Variants in TMPRSS13 observed in about 807,000 individuals in gnomAD.
TMPRSS13 encodes the protein transmembrane protease serine 13.
TMPRSS13 carries 50 observed loss-of-function variants against 68.4 expected under a neutral mutation model. The ratio of observed to expected loss-of-function variants is 0.73; its 90% confidence interval spans 0.58 to 0.93. The LOEUF is 0.93. Among genes scored for constraint, TMPRSS13 ranks in the 40% least tolerant of loss-of-function variants. The pLI is 0.00. For missense variants in TMPRSS13, 615 were observed against 729.2 expected (o/e 0.84, Z 1.80); for synonymous variants, 267 against 285.8 (o/e 0.93, Z 0.66).
intron 1 of TMPRSS13, among the ~76,000 whole-genome samples, chr11:117,925,819 T>C (rs906772038): frequency 6.3e-4 from 96 of 152,368 alleles, no homozygotes; most frequent in Non-Finnish European, 1.1e-3. Flanking sequence ...TTACATCAGT[T>C]GTCCTTCCCA....
intron 1 of TMPRSS13, among the ~76,000 whole-genome samples, chr11:117,926,139 G>A (rs2057704210): frequency 1.4e-5 from 2 of 144,782 alleles, no homozygotes; most frequent in African/African-American, 5.2e-5. Context: ...AGGTGCCAGG[G>A]TCCTTGGAGG....
At chr11:117,907,651 T>C (rs921260821) in intron 9 of TMPRSS13, 15 of 225,068 alleles carry the variant, frequency 6.7e-5, no homozygotes, top group Admixed American at 3.3e-4. Flanking sequence ...GAGCCCCCAT[T>C]ACCTGTCTTC....
intron 1 of TMPRSS13, among the ~76,000 whole-genome samples, chr11:117,925,467 C>A (rs549285956): frequency 9.9e-5 from 15 of 152,014 alleles, no homozygotes; most frequent in Non-Finnish European, 2.1e-4. Flanking sequence ...TATTGCCCAG[C>A]AAATAATGTT....
intron 1 of TMPRSS13, among the ~76,000 whole-genome samples, chr11:117,924,746 G>T (rs913956048): frequency 5.3e-5 from 8 of 152,022 alleles, no homozygotes; most frequent in African/African-American, 1.2e-4. Context: ...GTACCTCCAG[G>T]TTCCCAAGGC....
chr11:117,920,638 G>A (rs7930658), intron 1 of TMPRSS13, among the ~76,000 whole-genome samples: 114,677 of 151,894 alleles, frequency 0.75, 43,379 homozygotes, highest in Middle Eastern at 0.77. Flanking sequence ...ATATGCACCC[G>A]CCACCACACC....
chr11:117,904,114 G>T lies in TMPRSS13; in HGVS notation c.1382-13C>A, dbSNP rs3809040. On this transcript the variant is annotated splice_polypyrimidine_tract_variant and intron_variant, in intron 10 of 12. Coordinates refer to ENST00000524993, the MANE Select transcript of TMPRSS13 (RefSeq NM_001077263.3). ...GGGGATGTCTTGTCTTCAGTGAAGTGGGGTGGAGGAGACAGAGGATGGGAA... is the reference window on the plus strand; with the variant it reads ...GGGGATGTCTTGTCTTCAGTGAAGTTGGGTGGAGGAGACAGAGGATGGGAA... The T allele has an allele frequency of 6.2e-7, 1 of 1,612,584 alleles. No individual in the cohort carries two copies. Among genetic ancestry groups the T allele is most frequent in the Non-Finnish European group, 8.5e-7 (1 of 1,179,176 alleles).
chr11:117,918,296 C>T (rs2057599185), intron 2 of TMPRSS13, 113 bp downstream of exon 2: 3 of 1,299,778 alleles, frequency 2.3e-6, no homozygotes, highest in Non-Finnish European at 2.1e-6. Context: ...CCCTACCTCC[C>T]CTTCCCCGCA....
intron 1 of TMPRSS13, among the ~76,000 whole-genome samples, chr11:117,923,936 G>T (rs949801985): frequency 6.6e-6 from 1 of 151,494 alleles, no homozygotes; most frequent in Non-Finnish European, 1.5e-5. Flanking sequence ...ATCAGGGCCC[G>T]TTTCAGTCCA....
intron 12 of TMPRSS13, among the ~76,000 whole-genome samples, chr11:117,902,512 C>T (rs1196916381): frequency 6.6e-6 from 1 of 152,218 alleles, no homozygotes; most frequent in Non-Finnish European, 1.5e-5. Flanking sequence ...AAGGGGAGGG[C>T]TGGCAGAGCA....
chr11:117,904,141 C>A, intron 10 of TMPRSS13, 40 bp from the exon 11 acceptor site: 1 of 1,603,530 alleles, frequency 6.2e-7, no homozygotes, highest in Non-Finnish European at 8.5e-7. Flanking sequence ...GGATGGGAAG[C>A]CAGTGAGATT....
At chr11:117,907,982 G>A in intron 9 of TMPRSS13, 1 of 988,768 alleles carries the variant, frequency 1.0e-6, no homozygotes, top group Non-Finnish European at 1.2e-6. Context: ...CATTTCCTTT[G>A]TGTAGCCTCC....
Position 117,915,633 on chromosome 11 carries a change from C to T in TMPRSS13, c.557-1119G>A, listed in dbSNP as rs1433434686. Among the ~76,000 whole-genome samples the T allele has an allele frequency of 2.0e-5, 3 of 152,206 alleles. No individual in the cohort carries two copies. Among genetic ancestry groups the T allele is most frequent in the African/African-American group, 7.2e-5 (3 of 41,456 alleles). ...CAGGAGGCCTGGGCTCTAGTCCTGA[C>T]CCCACCAGGTAGCTGCTTGGTGACC... On this transcript the variant is annotated intron_variant, in intron 3 of 12. Coordinates refer to ENST00000524993, the MANE Select transcript of TMPRSS13 (RefSeq NM_001077263.3). The surrounding 1 kb of genome is among the most constrained non-coding windows in gnomAD (Gnocchi z 4.9).
chr11:117,918,925 C>A, intron 1 of TMPRSS13, 87 bp from the exon 2 acceptor site: 2 of 1,556,852 alleles, frequency 1.3e-6, no homozygotes, highest in African/African-American at 1.3e-5. Context: ...GAGATGAATG[C>A]TCTGGGGCAG....
intron 9 of TMPRSS13, among the ~76,000 whole-genome samples, chr11:117,906,688 A>G (rs2057467789): frequency 6.6e-6 from 1 of 152,208 alleles, no homozygotes; most frequent in Non-Finnish European, 1.5e-5. Flanking sequence ...ATGAAGGAAT[A>G]GCATGCATTA....
intron 12 of TMPRSS13, chr11:117,903,242 A>T: frequency 7.6e-7 from 1 of 1,316,210 alleles, no homozygotes; most frequent in Non-Finnish European, 1.0e-6. Flanking sequence ...AATCAAAAAG[A>T]CTAAAACAAA....
intron 1 of TMPRSS13, among the ~76,000 whole-genome samples, chr11:117,928,759 A>T (rs2057731491): frequency 6.6e-6 from 1 of 152,210 alleles, no homozygotes; most frequent in African/African-American, 2.4e-5. Flanking sequence ...AAAGTTATTA[A>T]GTCCAAAAAG....
chr11:117,912,325 C>T (rs1288464384), intron 5 of TMPRSS13, among the ~76,000 whole-genome samples: 1 of 152,180 alleles, frequency 6.6e-6, no homozygotes, highest in African/African-American at 2.4e-5. Flanking sequence ...CCCCCCAGAC[C>T]TACTGAATAA....
chr11:117,928,794 T>C (rs1299537446), intron 1 of TMPRSS13, among the ~76,000 whole-genome samples: 3 of 152,160 alleles, frequency 2.0e-5, no homozygotes, highest in Non-Finnish European at 1.5e-5. Context: ...GGTTGAAACA[T>C]CCCCTTGAAA....
chr11:117,904,617 G>T (rs928282068), intron 10 of TMPRSS13, among the ~76,000 whole-genome samples: 3 of 152,008 alleles, frequency 2.0e-5, no homozygotes, highest in Admixed American at 2.0e-4. Flanking sequence ...GGAGGGAAAA[G>T]CGGTCCTGAT....
Sources: gnomAD v4.1 joint callset for allele counts (sites outside exome capture counted in the v4.1 genomes callset) on GRCh38, gnomAD v4.1.1 for gene constraint, Gnocchi (gnomAD v3.1) non-coding constraint, MANE v1.5 for transcripts, NCBI Gene and HGNC (gene_info 2026-07-23, HGNC 2026-07-21) for gene names.